TSC22D2: variants seen among roughly 807,000 people sequenced by gnomAD.
TSC22D2 encodes TSC22 domain family member 2, also known as TSC22 domain family protein 2.
In TSC22D2, 5 loss-of-function variants were observed where a neutral mutation model predicts 50.1. That is an observed-to-expected ratio of 0.10 (90% CI 0.05 to 0.21). The LOEUF (loss-of-function observed/expected upper bound fraction) is 0.21, where lower values mean the gene tolerates loss of function less well. Ranked by LOEUF, TSC22D2 falls within the 10% of genes least tolerant of loss-of-function variation. TSC22D2 has a pLI of 1.00. For missense variants in TSC22D2, 1,003 were observed against 1,015.5 expected, an observed-to-expected ratio of 0.99 and a Z score of 0.17; for synonymous variants, 501 against 450.1, an observed-to-expected ratio of 1.11 and a Z score of -1.43.
Position 150,458,771 on chromosome 3 carries a change from C to T in TSC22D2, c.*135C>T, listed in dbSNP as rs1721277689. The T allele has an allele frequency of 8.8e-7, 1 of 1,135,862 alleles. No homozygotes were observed. The highest frequency in any genetic ancestry group is 1.6e-5 in the South Asian group (1 of 62,190). The allele number at this position is 1,135,862 out of a possible 1,614,324, so 70.4% of individuals were successfully genotyped here. Reference sequence around the variant, plus strand: ...TTTGGCCTTTTCAGTATTAGACAATCATTCTACAAGAGCTTTTCCTCTCTC... The same window carrying T: ...TTTGGCCTTTTCAGTATTAGACAATTATTCTACAAGAGCTTTTCCTCTCTC... On this transcript the variant is annotated 3_prime_UTR_variant, in exon 3 of 3. Coordinates refer to ENST00000688009, the MANE Select transcript of TSC22D2 (RefSeq NM_001303264.2).
At chr3:150,430,738 G>A (rs1293713264) in intron 1 of TSC22D2, among the ~76,000 whole-genome samples, 3 of 152,124 alleles carry the variant, frequency 2.0e-5, no homozygotes, top group Non-Finnish European at 4.4e-5. Flanking sequence ...GGCCAAGATT[G>A]CCAAGGATTA....
At chr3:150,418,556 C>T (rs552009012) in intron 1 of TSC22D2, among the ~76,000 whole-genome samples, 2 of 151,810 alleles carry the variant, frequency 1.3e-5, no homozygotes, top group Admixed American at 6.6e-5. Context: ...TTGAGGCTAA[C>T]TCTTGAACTA....
At chr3:150,430,244 CA>C (rs1459747177) in intron 1 of TSC22D2, among the ~76,000 whole-genome samples, 1 of 151,654 alleles carries the variant, frequency 6.6e-6, no homozygotes, top group Non-Finnish European at 1.5e-5. Context: ...GGGAACATTC[CA>C]GTTAGAGGAA....
chr3:150,435,687 C>A (rs1053850766), intron 1 of TSC22D2, among the ~76,000 whole-genome samples: 4 of 152,170 alleles, frequency 2.6e-5, no homozygotes, highest in Admixed American at 6.5e-5. Context: ...CATTAAAAAA[C>A]CAAGTTCCTT....
intron 1 of TSC22D2, among the ~76,000 whole-genome samples, chr3:150,446,027 G>A (rs1321131789): frequency 6.6e-6 from 1 of 150,694 alleles, no homozygotes; most frequent in Non-Finnish European, 1.5e-5. Flanking sequence ...CTGGGAGGTG[G>A]AGGTTGTGGT....
At chr3:150,424,410 G>A (rs914711115) in intron 1 of TSC22D2, among the ~76,000 whole-genome samples, 2 of 152,070 alleles carry the variant, frequency 1.3e-5, no homozygotes, top group Admixed American at 1.3e-4. Context: ...GCTTTCAAAA[G>A]TATGATGATT....
Position 150,409,896 on chromosome 3 carries a change from T to C in TSC22D2, c.546T>C (p.Cys182=). ...GEPYRRGRWT[C]MEYYERDSDS... ...CCTATAGACGCGGCCGATGGACGTG[T>C]ATGGAATACTATGAGAGGGATTCAG... is the stretch of plus-strand genomic sequence containing the variant. Residue 182 remains cysteine (C), a synonymous_variant, in exon 1 of 3, where the codon TGT becomes TGC. Coordinates refer to ENST00000688009, the MANE Select transcript of TSC22D2 (RefSeq NM_001303264.2). This position sits in a 1 kb window ranked among gnomAD's most constrained non-coding sequence, Gnocchi z 7.4. 1 of 1,613,508 alleles carries C rather than the reference T, an allele frequency of 6.2e-7. No individual in the cohort carries two copies. Among genetic ancestry groups the C allele is most frequent in the Non-Finnish European group, 8.5e-7 (1 of 1,180,000 alleles).
At chr3:150,450,194 A>G (rs1275373420) in intron 1 of TSC22D2, among the ~76,000 whole-genome samples, 1 of 152,120 alleles carries the variant, frequency 6.6e-6, no homozygotes, top group Non-Finnish European at 1.5e-5. Context: ...CAAGATAAAT[A>G]TAAAATATGC....
rs754900322 is a variant in TSC22D2, at chr3:150,410,769, C to A, written c.1419C>A (p.Ala473=). The A allele has an allele frequency of 8.1e-6, 13 of 1,610,586 alleles. No homozygotes were observed. The African/African-American group carries it at 1.6e-4, about 20-fold the overall frequency. Residue 473 remains alanine, a synonymous_variant, in exon 1 of 3, where the codon GCC becomes GCA. Coordinates refer to ENST00000688009, the MANE Select transcript of TSC22D2 (RefSeq NM_001303264.2). ...GGVVQPCLGP[A]GAGQPQSVPP... is the part of the protein sequence containing the mutation. ...TGGTGCAGCCGTGCCTCGGTCCTGC[C>A]GGGGCTGGGCAGCCCCAGTCCGTGC...
At chr3:150,440,889 C>T (rs1414839005) in intron 1 of TSC22D2, among the ~76,000 whole-genome samples, 1 of 151,806 alleles carries the variant, frequency 6.6e-6, no homozygotes, top group Non-Finnish European at 1.5e-5. Context: ...AATAGTACTG[C>T]TTAAAACCAT....
At chr3:150,458,330 C>CT in intron 2 of TSC22D2, 46 bp from the exon 3 acceptor site, 1 of 1,582,346 alleles carries the variant, frequency 6.3e-7, no homozygotes, top group Non-Finnish European at 8.6e-7. Flanking sequence ...ATAGCACCAC[C>CT]TTTATCTTTT....
chr3:150,432,015 T>C (rs544111590), intron 1 of TSC22D2, among the ~76,000 whole-genome samples: 2 of 152,326 alleles, frequency 1.3e-5, no homozygotes, highest in South Asian at 2.1e-4. Flanking sequence ...GTAGTTGTGT[T>C]AGGTGGCTTG....
chr3:150,438,596 T>C (rs1720621394), intron 1 of TSC22D2, among the ~76,000 whole-genome samples: 2 of 152,164 alleles, frequency 1.3e-5, no homozygotes, highest in Admixed American at 6.5e-5. Context: ...TCCTGTATTA[T>C]AGTAAGATTA....
chr3:150,455,045 G>A (rs1721144143), intron 1 of TSC22D2, among the ~76,000 whole-genome samples: 1 of 151,982 alleles, frequency 6.6e-6, no homozygotes, highest in African/African-American at 2.4e-5. Context: ...AGTATTTAAG[G>A]TGTGCTATTT....
intron 1 of TSC22D2, among the ~76,000 whole-genome samples, chr3:150,432,980 T>C (rs1164208103): frequency 6.6e-6 from 1 of 152,194 alleles, no homozygotes; most frequent in East Asian, 1.9e-4. Flanking sequence ...ATTTTTGTGA[T>C]TGATACAGAG....
Position 150,459,889 on chromosome 3 carries a change from G to A in TSC22D2, c.*1253G>A, listed in dbSNP as rs146071445. The A allele has an allele frequency of 4.6e-4, 69 of 149,750 alleles. No homozygotes were observed. Among genetic ancestry groups the A allele is most frequent in the African/African-American group, 1.6e-3 (65 of 40,842 alleles). 9.3% of individuals were successfully genotyped at this position (149,750 alleles called of 1,614,324 possible). The stretch of plus-strand genomic sequence containing the variant: ...CATTTAAAATGGTGTTTTGAATTTC[G>A]TATGCAGAAAACGTTTTGTTACATT... On this transcript the variant is annotated 3_prime_UTR_variant, in exon 3 of 3. Coordinates refer to ENST00000688009, the MANE Select transcript of TSC22D2 (RefSeq NM_001303264.2).
chr3:150,413,726 A>T (rs533324809), intron 1 of TSC22D2, among the ~76,000 whole-genome samples: 1 of 152,180 alleles, frequency 6.6e-6, no homozygotes, highest in Non-Finnish European at 1.5e-5. Context: ...TTTAATTTTA[A>T]TGTGATTTTG....
intron 1 of TSC22D2, among the ~76,000 whole-genome samples, chr3:150,441,784 T>C (rs1720725130): frequency 6.6e-6 from 1 of 152,118 alleles, no homozygotes; most frequent in Non-Finnish European, 1.5e-5. Flanking sequence ...AATAGAGTCA[T>C]CAGAATGCTG....
At chr3:150,434,323 A>G (rs13069723) in intron 1 of TSC22D2, among the ~76,000 whole-genome samples, 36,574 of 151,618 alleles carry the variant, frequency 0.24, 4,603 homozygotes, top group Middle Eastern at 0.41. Flanking sequence ...TGTATTTTTC[A>G]TAAAGACAGG....
Sources: allele counts gnomAD v4.1 joint callset (sites outside exome capture counted in the v4.1 genomes callset), GRCh38; gene constraint gnomAD v4.1.1; non-coding constraint Gnocchi (gnomAD v3.1); transcripts MANE v1.5; gene names NCBI Gene and HGNC (gene_info 2026-07-23, HGNC 2026-07-21).